PLXDC2: variants seen among roughly 807,000 people sequenced by gnomAD.
PLXDC2 encodes plexin domain-containing protein 2.
Under a neutral mutation model 68.9 loss-of-function variants are expected in PLXDC2, and 40 were observed. That is an observed-to-expected ratio of 0.58 (90% CI 0.45 to 0.76). PLXDC2 has a LOEUF of 0.76. Among genes scored for constraint, PLXDC2 ranks in the 30% least tolerant of loss-of-function variants. PLXDC2 has a pLI of 0.00. For synonymous variants in PLXDC2, 243 were observed against 234.2 expected (o/e 1.04, Z -0.34); for missense variants, 644 against 661.9 (o/e 0.97, Z 0.30).
chr10:20,128,190 C>G (rs986640694), intron 4 of PLXDC2, among the ~76,000 whole-genome samples: 1 of 152,166 alleles, frequency 6.6e-6, no homozygotes, highest in Non-Finnish European at 1.5e-5. Flanking sequence ...GACCTCATGT[C>G]CTGGGGATGA....
chr10:20,045,852 A>G (rs1835788521), intron 2 of PLXDC2, among the ~76,000 whole-genome samples: 1 of 152,092 alleles, frequency 6.6e-6, no homozygotes, highest in Non-Finnish European at 1.5e-5. Context: ...AATTGATTTC[A>G]TGGTTATAAA....
At position 19,949,192 on chromosome 10, in the gene PLXDC2, G is replaced by A. The variant is rs368135340; in HGVS notation, c.113-52583G>A. ...ATTTACATTTTAAAGCTATTTTAAT[G>A]TATAAAACATATGCTCTGATATTCA... On this transcript the variant is annotated intron_variant, in intron 1 of 13. Coordinates refer to ENST00000377252, the MANE Select transcript of PLXDC2 (RefSeq NM_032812.9). Among the ~76,000 whole-genome samples, 5 of 145,858 alleles carry A rather than the reference G, an allele frequency of 3.4e-5. No homozygotes were observed. The East Asian group carries it at 6.3e-4, about 18-fold the overall frequency.
intron 1 of PLXDC2, among the ~76,000 whole-genome samples, chr10:19,995,363 T>G (rs1834826607): frequency 6.6e-6 from 1 of 152,248 alleles, no homozygotes; most frequent in African/African-American, 2.4e-5. Context: ...GTATGCATTT[T>G]ATGTTTTCAG....
chr10:19,901,949 T>C (rs535861617), intron 1 of PLXDC2, among the ~76,000 whole-genome samples: 2 of 152,208 alleles, frequency 1.3e-5, no homozygotes, highest in South Asian at 2.1e-4. Flanking sequence ...CCCCACTTTA[T>C]GTTTTTGTTT....
At chr10:19,934,524 T>C (rs749813562) in intron 1 of PLXDC2, among the ~76,000 whole-genome samples, 2 of 152,196 alleles carry the variant, frequency 1.3e-5, no homozygotes, top group Admixed American at 6.5e-5. Flanking sequence ...GATCATTACA[T>C]TGGTCACCTT....
At position 20,001,983 on chromosome 10, in the gene PLXDC2, C is replaced by T. The variant is rs912698360; in HGVS notation, c.321C>T (p.Ile107=). The change falls in exon 2 of 14, where the codon ATC becomes ATT. Residue 107 remains isoleucine, a synonymous_variant. Transcript: ENST00000377252. ...LDDGQDNNTQ[I]EEDTDHNYYI... The stretch of plus-strand genomic sequence containing the variant: ...ATGGGCAGGACAATAACACTCAGAT[C>T]GAGGTAGATAAATAGTCTGGGTAAT... 10 of 1,610,898 alleles carry T rather than the reference C, an allele frequency of 6.2e-6. No homozygotes were observed. The highest frequency in any genetic ancestry group is 8.5e-6 in the Non-Finnish European group (10 of 1,179,388).
Position 20,217,530 on chromosome 10 carries a change from C to T in PLXDC2, c.1227C>T (p.Thr409=), listed in dbSNP as rs765144968. The T allele has an allele frequency of 6.2e-7, 1 of 1,611,064 alleles. No individual in the cohort carries two copies. The highest frequency in any genetic ancestry group is 8.5e-7 in the Non-Finnish European group (1 of 1,178,770). ...CCCAGTTCAGGGTCCTAACTACCAC[C>T]AGAAGAGCAGTGACTTCTCAGTTTC... ...TTTQFRVLTT[T]RRAVTSQFPT... Residue 409 remains threonine (T), a synonymous_variant, in exon 11 of 14, where the codon ACC becomes ACT. Transcript: ENST00000377252.
intron 4 of PLXDC2, among the ~76,000 whole-genome samples, chr10:20,099,017 A>C (rs1022101686): frequency 3.9e-5 from 6 of 152,202 alleles, no homozygotes; most frequent in African/African-American, 7.2e-5. Flanking sequence ...ATAAGAAGAT[A>C]ATTATTAAGC....
intron 1 of PLXDC2, among the ~76,000 whole-genome samples, chr10:19,893,046 G>A (rs1343055069): frequency 1.3e-5 from 2 of 151,722 alleles, no homozygotes; most frequent in African/African-American, 2.4e-5. Flanking sequence ...TCCTTAGGGC[G>A]TGGCTCTGAC....
intron 12 of PLXDC2, among the ~76,000 whole-genome samples, chr10:20,244,696 A>G (rs565577206): frequency 6.6e-4 from 101 of 152,226 alleles, no homozygotes; most frequent in Non-Finnish European, 1.1e-3. Flanking sequence ...CAGCTTTTCC[A>G]TAGGTAACTT....
chr10:19,965,314 A>G (rs964142920), intron 1 of PLXDC2, among the ~76,000 whole-genome samples: 2 of 152,180 alleles, frequency 1.3e-5, no homozygotes, highest in Non-Finnish European at 2.9e-5. Context: ...GAGTTCTACC[A>G]TAATCATAAA....
At chr10:20,208,468 G>A (rs1263812549) in intron 9 of PLXDC2, among the ~76,000 whole-genome samples, 2 of 152,082 alleles carry the variant, frequency 1.3e-5, no homozygotes, top group African/African-American at 4.8e-5. Flanking sequence ...CCACAACACA[G>A]GGAAATTATG....
In PLXDC2 at chr10:20,066,604, A is replaced by C. The variant is rs1031833224; in HGVS notation, c.472-1566A>C. Reference sequence around the variant, plus strand: ...CACTTATTTCAGTTAGCTCTGTGAAAATGAGTTTTGTTGTTCCTGTTAGTC... The same window carrying C: ...CACTTATTTCAGTTAGCTCTGTGAACATGAGTTTTGTTGTTCCTGTTAGTC... On this transcript the variant is annotated intron_variant, in intron 3 of 13. Transcript: ENST00000377252. Among the ~76,000 whole-genome samples, 14 of 152,298 alleles carry C rather than the reference A, an allele frequency of 9.2e-5. 1 individual carries two copies. Among genetic ancestry groups the C allele is most frequent in the African/African-American group, 2.6e-4 (11 of 41,562 alleles).
intron 4 of PLXDC2, among the ~76,000 whole-genome samples, chr10:20,072,409 AAGAGGAAAGAAAGAG>A: frequency 7.8e-6 from 1 of 128,084 alleles, no homozygotes; most frequent in South Asian, 2.6e-4. Context: ...AGAAGAAAGA[AAGAGGAAAGAAAGAG>A]AGAAAGAAAG....
intron 1 of PLXDC2, among the ~76,000 whole-genome samples, chr10:19,900,852 G>T (rs1391907519): frequency 6.6e-6 from 1 of 151,518 alleles, no homozygotes; most frequent in Non-Finnish European, 1.5e-5. Context: ...GGGAGCCTAC[G>T]GTGTTTGGTT....
At chr10:20,202,058 G>A (rs995912297) in intron 9 of PLXDC2, among the ~76,000 whole-genome samples, 2 of 152,030 alleles carry the variant, frequency 1.3e-5, no homozygotes, top group Non-Finnish European at 2.9e-5. Context: ...TTATTTATTG[G>A]ACAATATTTT....
At chr10:19,875,771 C>CT (rs1837618862) in intron 1 of PLXDC2, among the ~76,000 whole-genome samples, 1 of 152,132 alleles carries the variant, frequency 6.6e-6, no homozygotes, top group African/African-American at 2.4e-5. Flanking sequence ...CTTCAACTGT[C>CT]TATTTTCCTT....
chr10:20,010,160 G>A (rs1259405677), intron 2 of PLXDC2, among the ~76,000 whole-genome samples: 1 of 152,144 alleles, frequency 6.6e-6, no homozygotes, highest in Non-Finnish European at 1.5e-5. Flanking sequence ...GTGGCCTGAT[G>A]CTACCTTGAC....
intron 1 of PLXDC2, among the ~76,000 whole-genome samples, chr10:19,832,006 T>C (rs1173318493): frequency 6.6e-6 from 1 of 152,188 alleles, no homozygotes; most frequent in Non-Finnish European, 1.5e-5. Flanking sequence ...TTTTTGTTAG[T>C]CCAATAATCT....
Sources: gnomAD v4.1 joint callset for allele counts (sites outside exome capture counted in the v4.1 genomes callset) on GRCh38, gnomAD v4.1.1 for gene constraint, MANE v1.5 for transcripts, NCBI Gene and HGNC (gene_info 2026-07-23, HGNC 2026-07-21) for gene names.